The following C6 variants were observed in gnomAD, a reference collection of about 807,000 sequenced individuals.
C6 encodes complement component C6.
C6 carries 101 observed loss-of-function variants against 112.9 expected under a neutral mutation model. The observed-to-expected ratio is 0.89, with a 90% CI of 0.76 to 1.06. The LOEUF is 1.06. Among genes scored for constraint, C6 ranks in the 50% least tolerant of loss-of-function variants. The pLI is 0.00. For synonymous variants in C6, 431 were observed against 384.1 expected (o/e 1.12, Z -1.43); for missense variants, 1,202 against 1,104.6 (o/e 1.09, Z -1.25).
intron 1 of C6, among the ~76,000 whole-genome samples, chr5:41,260,587 C>T (rs1205192671): frequency 3.3e-5 from 5 of 151,480 alleles, no homozygotes; most frequent in Non-Finnish European, 4.4e-5. Flanking sequence ...CTGACCAACA[C>T]GGAGAAACCC....
In C6 at chr5:41,203,173, G is replaced by T. The variant is rs1751166336; in HGVS notation, c.58C>A (p.Gln20Lys). 6.2e-7 allele frequency: 1 copy of T among 1,614,036 alleles called. No individual in the cohort carries two copies. Among genetic ancestry groups the T allele is most frequent in the Non-Finnish European group, 8.5e-7 (1 of 1,179,954 alleles). The change falls in exon 2 of 18, where the codon CAA becomes AAA. Residue 20 changes from glutamine to lysine, a missense_variant. Coordinates refer to ENST00000337836, the MANE Select transcript of C6 (RefSeq NM_000065.5). ...GCATAGTGATCACAGAAGCAGGCTTGGCCCTTGTTGATCAGAGCATTCAGC... is the reference window on the plus strand; with the variant it reads ...GCATAGTGATCACAGAAGCAGGCTTTGCCCTTGTTGATCAGAGCATTCAGC... ...ILLNALINKG[Q>K]ACFCDHYAWT... is the part of the protein sequence containing the mutation.
intron 4 of C6, among the ~76,000 whole-genome samples, chr5:41,199,207 CAG>C (rs1487270384): frequency 2.0e-5 from 3 of 152,130 alleles, no homozygotes; most frequent in African/African-American, 7.2e-5. Context: ...TCAGAGTACA[CAG>C]AAATGATAGA....
At chr5:41,181,729 T>C (rs1282246804) in intron 6 of C6, among the ~76,000 whole-genome samples, 170 bp from the exon 7 acceptor site, 1 of 152,180 alleles carries the variant, frequency 6.6e-6, no homozygotes, top group African/African-American at 2.4e-5. Context: ...GAGGGGTTAA[T>C]AGTTTAGTTA....
intron 1 of C6, among the ~76,000 whole-genome samples, chr5:41,222,328 A>C (rs2150405240): frequency 6.6e-6 from 1 of 152,154 alleles, no homozygotes; most frequent in East Asian, 1.9e-4. Context: ...TCATGCAGTT[A>C]CAAAGTTGTT....
chr5:41,260,445 T>C (rs1201694512), intron 1 of C6, among the ~76,000 whole-genome samples: 3 of 119,272 alleles, frequency 2.5e-5, no homozygotes, highest in Non-Finnish European at 5.1e-5. Context: ...AACAAACAAA[T>C]AAACCCCCCC....
intron 17 of C6, among the ~76,000 whole-genome samples, chr5:41,144,293 G>A (rs961889905): frequency 5.3e-5 from 8 of 151,802 alleles, no homozygotes; most frequent in African/African-American, 1.2e-4. Flanking sequence ...TTTGAGACAG[G>A]GTCTTACTGT....
At chr5:41,215,130 G>A (rs138088357), upstream of C6, among the ~76,000 whole-genome samples, 2 of 152,226 alleles carry the variant, frequency 1.3e-5, no homozygotes, top group African/African-American at 4.8e-5. Context: ...CTAGCCTGAT[G>A]CCCGTTTTTG....
upstream of C6, among the ~76,000 whole-genome samples, chr5:41,218,216 T>A (rs539789877): frequency 3.4e-4 from 51 of 152,228 alleles, 1 homozygote; most frequent in African/African-American, 1.2e-3. Context: ...TTATAAGAAA[T>A]CCGTCTATTC....
At chr5:41,248,121 G>A (rs1741132738) in intron 1 of C6, among the ~76,000 whole-genome samples, 1 of 152,170 alleles carries the variant, frequency 6.6e-6, no homozygotes, top group African/African-American at 2.4e-5. Flanking sequence ...GCTAGCACAT[G>A]CAGAATAATG....
chr5:41,251,013 A>G (rs1478744193), intron 1 of C6, among the ~76,000 whole-genome samples: 4 of 152,188 alleles, frequency 2.6e-5, no homozygotes, highest in Non-Finnish European at 5.9e-5. Flanking sequence ...TCTACTTTAT[A>G]TCTGAAGACC....
At chr5:41,248,410 T>G (rs1418696829) in intron 1 of C6, among the ~76,000 whole-genome samples, 2 of 152,182 alleles carry the variant, frequency 1.3e-5, no homozygotes, top group African/African-American at 2.4e-5. Context: ...GAGTAAATAT[T>G]TGCAAGCTAT....
intron 14 of C6, among the ~76,000 whole-genome samples, chr5:41,154,607 A>G (rs1746721062): frequency 6.6e-6 from 1 of 152,210 alleles, no homozygotes; most frequent in African/African-American, 2.4e-5. Context: ...TCTGTTACAT[A>G]AAGAGTGTAA....
chr5:41,228,220 C>A (rs1739650603), intron 1 of C6, among the ~76,000 whole-genome samples: 1 of 151,464 alleles, frequency 6.6e-6, no homozygotes, highest in Non-Finnish European at 1.5e-5. Flanking sequence ...TTTGTGGTAG[C>A]TTTTGTAAAT....
chr5:41,203,247 G>A lies in C6; in HGVS notation c.-17C>T, dbSNP rs1275141774. On this transcript the variant is annotated 5_prime_UTR_variant, in exon 2 of 18. Transcript: ENST00000337836. The stretch of plus-strand genomic sequence containing the variant: ...TCTGGCCATGCCTTGAGAGCCTCCA[G>A]GCCCTAAAATGAAAGAATACATAAC... The A allele has an allele frequency of 5.6e-6, 9 of 1,613,958 alleles. No homozygotes were observed. The highest frequency in any genetic ancestry group is 6.8e-6 in the Non-Finnish European group (8 of 1,179,882).
intron 1 of C6, among the ~76,000 whole-genome samples, chr5:41,221,893 G>C (rs904854309): frequency 1.3e-5 from 2 of 152,108 alleles, no homozygotes; most frequent in Non-Finnish European, 2.9e-5. Flanking sequence ...TGGCCAGCGT[G>C]GTGGCTCACA....
At chr5:41,175,347 A>T (rs1474827889) in intron 8 of C6, among the ~76,000 whole-genome samples, 1 of 152,052 alleles carries the variant, frequency 6.6e-6, no homozygotes, top group Admixed American at 6.5e-5. Flanking sequence ...ACATGCATAC[A>T]GTGTATGTGT....
chr5:41,175,451 C>T (rs979130711), intron 8 of C6, among the ~76,000 whole-genome samples: 10 of 152,102 alleles, frequency 6.6e-5, no homozygotes, highest in African/African-American at 2.4e-4. Flanking sequence ...CTTTTCTTTC[C>T]TTCATTATAT....
Position 41,176,482 on chromosome 5 carries a change from C to A in C6, c.1161G>T (p.Lys387Asn), listed in dbSNP as rs1748855268. Residue 387 changes from lysine to asparagine, a missense_variant, in exon 8 of 18, where the codon AAG (lysine) becomes AAT (asparagine). Lys to Asn is a moderately conservative substitution (Grantham distance 94). Transcript: ENST00000337836. ...AGGACTGAAGAAAGTTACCTGAGTT[C>A]TTTAGTTCCTCACTGCTAAACTGAT... ...LLYQFSSEELKNSGLTEEEAK... is the reference protein window; with the variant it reads ...LLYQFSSEELNNSGLTEEEAK... 1 of 1,613,260 alleles carries A rather than the reference C, an allele frequency of 6.2e-7. No individual in the cohort carries two copies. Among genetic ancestry groups the A allele is most frequent in the African/African-American group, 1.3e-5 (1 of 74,992 alleles).
At chr5:41,177,498 TA>T (rs541630307) in intron 7 of C6, among the ~76,000 whole-genome samples, 2 of 152,198 alleles carry the variant, frequency 1.3e-5, no homozygotes, top group African/African-American at 2.4e-5. Context: ...TACATTGTTT[TA>T]AAAAAAATTT....
Sources: gnomAD v4.1 joint callset for allele counts (sites outside exome capture counted in the v4.1 genomes callset) on GRCh38, gnomAD v4.1.1 for gene constraint, MANE v1.5 for transcripts, NCBI Gene and HGNC (gene_info 2026-07-23, HGNC 2026-07-21) for gene names.